ANO6: variants seen among roughly 807,000 people sequenced by gnomAD.
The protein encoded by ANO6 is anoctamin-6.
Under a neutral mutation model 117.5 loss-of-function variants are expected in ANO6, and 106 were observed. The ratio of observed to expected loss-of-function variants is 0.90; its 90% CI spans 0.77 to 1.06. The LOEUF is 1.06. Ranked by LOEUF, ANO6 falls within the 50% of genes least tolerant of loss-of-function variation. The pLI, the probability that ANO6 is intolerant of heterozygous loss-of-function variation, is 0.00. For missense variants in ANO6, 955 were observed against 1,121.1 expected, an observed-to-expected ratio of 0.85 and a Z score of 2.12; for synonymous variants, 367 against 385.1, an observed-to-expected ratio of 0.95 and a Z score of 0.55.
intron 15 of ANO6, among the ~76,000 whole-genome samples, chr12:45,405,414 C>T (rs1326817724): frequency 6.6e-6 from 1 of 152,034 alleles, no homozygotes; most frequent in Admixed American, 6.5e-5. Flanking sequence ...TTATACTATC[C>T]GTGGTTTATA....
At chr12:45,276,538 C>G (rs767381853) in intron 1 of ANO6, among the ~76,000 whole-genome samples, 1 of 152,078 alleles carries the variant, frequency 6.6e-6, no homozygotes, top group Admixed American at 6.6e-5. Flanking sequence ...ACTCCTCATA[C>G]TTCATGTCTC....
At chr12:45,378,146 T>C in intron 10 of ANO6, 33 bp downstream of exon 10, 1 of 1,567,720 alleles carries the variant, frequency 6.4e-7, no homozygotes, top group Non-Finnish European at 8.7e-7. Flanking sequence ...ATGCACTCAA[T>C]TTGATAGTAT....
At chr12:45,288,643 G>A (rs1164604184) in intron 1 of ANO6, among the ~76,000 whole-genome samples, 1 of 152,194 alleles carries the variant, frequency 6.6e-6, no homozygotes, top group African/African-American at 2.4e-5. Flanking sequence ...GTGGACACTT[G>A]AATTGCTATT....
chr12:45,356,853 CTTACG>C (rs933874555), intron 7 of ANO6, among the ~76,000 whole-genome samples: 2 of 152,132 alleles, frequency 1.3e-5, no homozygotes, highest in African/African-American at 4.8e-5. Flanking sequence ...GTATTTGTGA[CTTACG>C]TTACATTTTC....
intron 17 of ANO6, among the ~76,000 whole-genome samples, chr12:45,417,918 C>T (rs1038618821): frequency 2.6e-5 from 4 of 152,164 alleles, no homozygotes; most frequent in Non-Finnish European, 5.9e-5. Flanking sequence ...TAGCTCTGAG[C>T]TGCATGATCT....
chr12:45,403,645 C>A, intron 15 of ANO6, 109 bp downstream of exon 15: 1 of 876,832 alleles, frequency 1.1e-6, no homozygotes, highest in Non-Finnish European at 1.9e-6. Flanking sequence ...GCATGTCCAC[C>A]TCTAAATGGA....
At chr12:45,380,486 A>G (rs927129182) in intron 10 of ANO6, among the ~76,000 whole-genome samples, 10 of 152,326 alleles carry the variant, frequency 6.6e-5, no homozygotes, top group African/African-American at 2.2e-4. Context: ...AGCTGCTGTG[A>G]CTGTTACTTT....
intron 1 of ANO6, among the ~76,000 whole-genome samples, chr12:45,257,694 A>G (rs1436533511): frequency 1.3e-5 from 2 of 152,142 alleles, no homozygotes; most frequent in African/African-American, 4.8e-5. Flanking sequence ...GACTGTGGCC[A>G]TCTCTCTTAG....
intron 8 of ANO6, among the ~76,000 whole-genome samples, chr12:45,358,715 T>C (rs1941475555): frequency 6.6e-6 from 1 of 152,190 alleles, no homozygotes; most frequent in African/African-American, 2.4e-5. Flanking sequence ...TTAAAATATC[T>C]AAATTATAAA....
intron 1 of ANO6, among the ~76,000 whole-genome samples, chr12:45,227,786 A>AGT (rs1189045364): frequency 2.6e-5 from 4 of 152,164 alleles, no homozygotes; most frequent in Non-Finnish European, 5.9e-5. Flanking sequence ...CTGCTCAACA[A>AGT]GTGTAAGTGT....
chr12:45,352,745 T>A (rs754208770), intron 7 of ANO6, among the ~76,000 whole-genome samples: 68 of 148,644 alleles, frequency 4.6e-4, no homozygotes, highest in Non-Finnish European at 9.1e-4. Flanking sequence ...AAAAAAAAAT[T>A]ATTTAATATC....
rs1941154651 is a variant in ANO6 at position 45,347,095 on chromosome 12, C to T, written c.345+8C>T. On this transcript the variant is annotated splice_region_variant and intron_variant, in intron 4 of 19. Transcript: ENST00000320560. The stretch of plus-strand genomic sequence containing the variant: ...TTAGAAGCAACAAGATCAGTAAGTA[C>T]TGGTCCCTTTTCAGCCCTCGGCTGA... 2 of 1,613,932 alleles carry T rather than the reference C, an allele frequency of 1.2e-6. No homozygotes were observed. The highest frequency in any genetic ancestry group is 1.7e-6 in the Non-Finnish European group (2 of 1,179,880).
At position 45,249,751 on chromosome 12, in the gene ANO6, A is replaced by G. The variant is rs773983451; in HGVS notation, c.70+33360A>G. 6.6e-5 allele frequency among the ~76,000 whole-genome samples: 10 copies of G among 152,234 alleles called. 1 individual carries two copies. The highest frequency in any genetic ancestry group is 1.5e-4 in the Non-Finnish European group (10 of 68,046). On this transcript the variant is annotated intron_variant, in intron 1 of 19. Transcript: ENST00000320560. ...ACACTGAATCCCCAAAAATAATTCA[A>G]CCATTTATGAGCCTGTGACCTCTAG...
rs150316961 is a variant in ANO6, at chr12:45,239,365, T to C, written c.70+22974T>C. On this transcript the variant is annotated intron_variant, in intron 1 of 19. Transcript: ENST00000320560. ...AGTATTCTCTGATGGTAGTTTGTAT[T>C]CCTGTTGGATTGGTGGTGATATCCA... Among the ~76,000 whole-genome samples the C allele has an allele frequency of 9.5e-3, 1,444 of 152,336 alleles. 25 individuals are homozygous for C. The highest frequency in any genetic ancestry group is 0.033 in the African/African-American group (1,359 of 41,560).
At chr12:45,317,136 T>TATATATATGTA (rs1940070455) in intron 2 of ANO6, among the ~76,000 whole-genome samples, 1 of 108,956 alleles carries the variant, frequency 9.2e-6, no homozygotes, top group Non-Finnish European at 2.1e-5. Flanking sequence ...TATATATTTA[T>TATATATATGTA]TATACTTTAA....
chr12:45,293,148 A>G (rs900794750), intron 1 of ANO6, among the ~76,000 whole-genome samples: 18 of 152,350 alleles, frequency 1.2e-4, no homozygotes, highest in Middle Eastern at 3.4e-3. Context: ...TATCTAAGCA[A>G]TTACATTTTG....
At chr12:45,220,945 G>A (rs1200690697) in intron 1 of ANO6, among the ~76,000 whole-genome samples, 4 of 152,188 alleles carry the variant, frequency 2.6e-5, no homozygotes, top group East Asian at 1.9e-4. Flanking sequence ...AATTCTGTGC[G>A]CTGCCCTGGC....
intron 7 of ANO6, among the ~76,000 whole-genome samples, chr12:45,354,452 G>A (rs1941361015): frequency 6.6e-6 from 1 of 152,086 alleles, no homozygotes; most frequent in Admixed American, 6.5e-5. Context: ...CAAGAAGGAA[G>A]ACCTAAGAGT....
Position 45,216,771 on chromosome 12 carries a change from C to A in ANO6, c.70+380C>A, listed in dbSNP as rs112157206. Reference sequence around the variant, plus strand: ...CAGGAGCCTCGGCACTGGGGCGAGCCCCCTGGGCGGGGTCCGGGGAGCAGG... The same window carrying A: ...CAGGAGCCTCGGCACTGGGGCGAGCACCCTGGGCGGGGTCCGGGGAGCAGG... On this transcript the variant is annotated intron_variant, in intron 1 of 19. Transcript: ENST00000320560. 4.6e-4 allele frequency among the ~76,000 whole-genome samples: 70 copies of A among 152,368 alleles called. 1 individual carries two copies. Among genetic ancestry groups the A allele is most frequent in the African/African-American group, 1.7e-3 (70 of 41,590 alleles).
Sources: allele counts gnomAD v4.1 joint callset (sites outside exome capture counted in the v4.1 genomes callset), GRCh38; gene constraint gnomAD v4.1.1; transcripts MANE v1.5; gene names NCBI Gene and HGNC (gene_info 2026-07-23, HGNC 2026-07-21).